Variants in PIEZO2 observed in about 807,000 individuals in gnomAD.
The protein encoded by PIEZO2 is piezo-type mechanosensitive ion channel component 2.
PIEZO2 carries 172 observed loss-of-function variants against 337.3 expected under a neutral mutation model. That is an observed-to-expected ratio of 0.51 (90% confidence interval 0.45 to 0.58). The LOEUF is 0.58. PIEZO2 is among the 20% of genes least tolerant of loss of function. The probability of loss-of-function intolerance (pLI) is 0.00; values close to 1 mark genes in which losing one functional copy is unlikely to be tolerated. For synonymous variants in PIEZO2, 1,251 were observed against 1,228.5 expected, an observed-to-expected ratio of 1.02 and a Z score of -0.38; for missense variants, 3,028 against 3,391.3, an observed-to-expected ratio of 0.89 and a Z score of 2.66.
chr18:10,767,671 T>C lies in PIEZO2; in HGVS notation c.2946+2477A>G, dbSNP rs552056398. ...TGCAGAGTCTCTTTGCTGGGCTCCA[T>C]GTGTACAAGCAGAGCAGGGCCTGTG... On this transcript the variant is annotated intron_variant, in intron 21 of 55. Coordinates refer to ENST00000674853, the MANE Select transcript of PIEZO2 (RefSeq NM_001378183.1). This position sits in a 1 kb window ranked among gnomAD's most constrained non-coding sequence, Gnocchi z 4.2. Among the ~76,000 whole-genome samples, 191 of 152,048 alleles carry C rather than the reference T, an allele frequency of 1.3e-3. No individual in the cohort carries two copies. Among genetic ancestry groups the C allele is most frequent in the Non-Finnish European group, 2.3e-3 (159 of 67,976 alleles).
intron 3 of PIEZO2, among the ~76,000 whole-genome samples, chr18:10,972,135 A>G (rs1426311631): frequency 6.6e-6 from 1 of 150,806 alleles, no homozygotes; most frequent in Non-Finnish European, 1.5e-5. Flanking sequence ...TCTACTAAAA[A>G]TACACCCAGC....
In PIEZO2 at chr18:11,045,304, A is replaced by G. The variant is rs1276743408; in HGVS notation, c.160+20823T>C. 8.6e-5 allele frequency among the ~76,000 whole-genome samples: 13 copies of G among 150,634 alleles called. 1 individual carries two copies. The highest frequency in any genetic ancestry group is 1.5e-4 in the Non-Finnish European group (10 of 67,540). On this transcript the variant is annotated intron_variant, in intron 2 of 55. Coordinates refer to ENST00000674853, the MANE Select transcript of PIEZO2 (RefSeq NM_001378183.1). The stretch of plus-strand genomic sequence containing the variant: ...GAGTGAGACTCCGTCTCAAAAAAAA[A>G]AAAAAAAAAAAAAAAAAGAGAAAAC...
At chr18:10,691,768 A>AACACACACACACACACAC (rs1339141004) in intron 47 of PIEZO2, among the ~76,000 whole-genome samples, 1 of 75,412 alleles carries the variant, frequency 1.3e-5, no homozygotes, top group Admixed American at 1.6e-4. Flanking sequence ...AATATATATA[A>AACACACACACACACACAC]ACACACACAC....
chr18:11,088,102 A>T (rs1290998896), intron 1 of PIEZO2, among the ~76,000 whole-genome samples: 2 of 152,246 alleles, frequency 1.3e-5, no homozygotes, highest in Non-Finnish European at 2.9e-5. Context: ...TATACTTGGG[A>T]CACTTGAACT....
chr18:10,926,955 T>C (rs2031774797), intron 3 of PIEZO2, among the ~76,000 whole-genome samples: 1 of 152,260 alleles, frequency 6.6e-6, no homozygotes, highest in South Asian at 2.1e-4. Flanking sequence ...AGACACTTCC[T>C]GCCGCACAAG....
intron 7 of PIEZO2, among the ~76,000 whole-genome samples, chr18:10,812,124 C>T (rs990069484): frequency 7.2e-5 from 11 of 152,218 alleles, no homozygotes; most frequent in South Asian, 2.1e-4. Context: ...TGAGCCACTG[C>T]GCCCGGCCAA....
chr18:10,984,525 A>G (rs2034793130), intron 2 of PIEZO2, among the ~76,000 whole-genome samples: 1 of 152,120 alleles, frequency 6.6e-6, no homozygotes, highest in Non-Finnish European at 1.5e-5. Flanking sequence ...ATTATTTGAA[A>G]TTATCCAGTA....
chr18:10,701,403 G>T lies in PIEZO2; in HGVS notation c.6441+586C>A, dbSNP rs1340682070. Among the ~76,000 whole-genome samples the T allele has an allele frequency of 3.3e-5, 5 of 152,346 alleles. No homozygotes were observed. The East Asian group carries it at 9.7e-4, about 29-fold the overall frequency. ...CTGTATAAAGGCCTTCCTCCAGCAG[G>T]ATCATGAGTGGCCTCCTCCACAATA... On this transcript the variant is annotated intron_variant, in intron 43 of 55. Transcript: ENST00000674853.
chr18:10,972,482 C>T (rs188653570), intron 3 of PIEZO2, among the ~76,000 whole-genome samples: 11 of 151,998 alleles, frequency 7.2e-5, no homozygotes, highest in Admixed American at 6.6e-5. Context: ...TGAGAGACTG[C>T]GGTGGAGAGG....
intron 29 of PIEZO2, among the ~76,000 whole-genome samples, chr18:10,749,040 G>A: frequency 6.6e-6 from 1 of 152,084 alleles, no homozygotes; most frequent in South Asian, 2.1e-4. Context: ...AGAATAATGA[G>A]CACAGCATGG....
chr18:10,923,061 T>G (rs1395344749), intron 3 of PIEZO2, among the ~76,000 whole-genome samples: 1 of 152,180 alleles, frequency 6.6e-6, no homozygotes, highest in African/African-American at 2.4e-5. Flanking sequence ...CTCAAAAAAG[T>G]TGACTATAGA....
intron 40 of PIEZO2, among the ~76,000 whole-genome samples, chr18:10,706,946 A>G (rs2035611876): frequency 6.6e-6 from 1 of 152,206 alleles, no homozygotes; most frequent in African/African-American, 2.4e-5. Context: ...CACAGATACC[A>G]GTATAGACAT....
intron 1 of PIEZO2, among the ~76,000 whole-genome samples, chr18:11,140,661 A>G (rs2146280108): frequency 6.6e-6 from 1 of 152,290 alleles, no homozygotes; most frequent in Admixed American, 6.5e-5. Flanking sequence ...TGCAAGGCAC[A>G]CTAAGGTACC....
Position 10,726,840 on chromosome 18 carries a change from C to T in PIEZO2, c.5029+4567G>A. ...TGCTGGATAATACCCGGATGCCCCACCTTATGCAGGACTTGGCACGCTACC... is the reference window on the plus strand; with the variant it reads ...TGCTGGATAATACCCGGATGCCCCATCTTATGCAGGACTTGGCACGCTACC... On this transcript the variant is annotated intron_variant, in intron 36 of 55. Transcript: ENST00000674853. The surrounding 1 kb of genome is among the most constrained non-coding windows in gnomAD (Gnocchi z 5.9). 1 of 1,583,792 alleles carries T rather than the reference C, an allele frequency of 6.3e-7. No individual in the cohort carries two copies. Among genetic ancestry groups the T allele is most frequent in the Non-Finnish European group, 8.7e-7 (1 of 1,155,528 alleles).
intron 29 of PIEZO2, among the ~76,000 whole-genome samples, chr18:10,749,632 G>C (rs542521016): frequency 6.6e-6 from 1 of 152,252 alleles, no homozygotes; most frequent in East Asian, 1.9e-4. Flanking sequence ...CTTGGCAGGA[G>C]TCTAACTCTA....
At position 11,125,157 on chromosome 18, in the gene PIEZO2, C is replaced by T. The variant is rs1019649767; in HGVS notation, c.64+23368G>A. On this transcript the variant is annotated intron_variant, in intron 1 of 55. Coordinates refer to ENST00000674853, the MANE Select transcript of PIEZO2 (RefSeq NM_001378183.1). This position sits in a 1 kb window ranked among gnomAD's most constrained non-coding sequence, Gnocchi z 4.4. ...AATATTAAATGGGAGAAAGAACACACACACACACACATGCACACATACAAA... is the reference window on the plus strand; with the variant it reads ...AATATTAAATGGGAGAAAGAACACATACACACACACATGCACACATACAAA... Among the ~76,000 whole-genome samples the T allele has an allele frequency of 6.6e-6, 1 of 152,136 alleles. No homozygotes were observed. The highest frequency in any genetic ancestry group is 2.4e-5 in the African/African-American group (1 of 41,414).
rs142364104 is a variant in PIEZO2 at position 10,672,769 on chromosome 18, G to T, written c.8266C>A (p.Pro2756Thr). Reference protein sequence around the residue: ...LNLTGNRIYNPNSQALELVVF... With the variant: ...LNLTGNRIYNTNSQALELVVF... ...ACCAGTTCCAGGGCCTGAGAGTTCGGATTGTATATTCTGTTTCCAGTCAGG... is the reference window on the plus strand; with the variant it reads ...ACCAGTTCCAGGGCCTGAGAGTTCGTATTGTATATTCTGTTTCCAGTCAGG... Residue 2756 changes from proline (P) to threonine (T), a missense_variant, in exon 55 of 56, where the codon CCG becomes ACG. Transcript: ENST00000674853. This position sits in a 1 kb window ranked among gnomAD's most constrained non-coding sequence, Gnocchi z 4.7. 5 of 1,614,042 alleles carry T rather than the reference G, an allele frequency of 3.1e-6. No homozygotes were observed. Among genetic ancestry groups the T allele is most frequent in the Non-Finnish European group, 3.4e-6 (4 of 1,179,990 alleles).
intron 3 of PIEZO2, among the ~76,000 whole-genome samples, chr18:10,972,134 A>C (rs922778374): frequency 4.6e-5 from 7 of 151,158 alleles, no homozygotes; most frequent in Admixed American, 1.3e-4. Context: ...CTCTACTAAA[A>C]ATACACCCAG....
At chr18:10,879,122 C>T (rs1471689436) in intron 4 of PIEZO2, among the ~76,000 whole-genome samples, 1 of 152,140 alleles carries the variant, frequency 6.6e-6, no homozygotes, top group Admixed American at 6.5e-5. Context: ...GGTTCTCTAA[C>T]CTAATCATAA....
Sources: allele counts gnomAD v4.1 joint callset (sites outside exome capture counted in the v4.1 genomes callset), GRCh38; gene constraint gnomAD v4.1.1; non-coding constraint Gnocchi (gnomAD v3.1); transcripts MANE v1.5; gene names NCBI Gene and HGNC (gene_info 2026-07-23, HGNC 2026-07-21).